Variants in BICD1 observed in about 807,000 individuals in gnomAD.
BICD1 encodes BICD cargo adaptor 1.
Under a neutral mutation model 92.5 loss-of-function variants are expected in BICD1, and 35 were observed. The observed-to-expected ratio is 0.38, with a 90% CI of 0.29 to 0.50. The LOEUF (loss-of-function observed/expected upper bound fraction) is 0.50, where lower values mean the gene tolerates loss of function less well. Among genes scored for constraint, BICD1 ranks in the 20% least tolerant of loss-of-function variants. The pLI is 0.93. For missense variants in BICD1, 950 were observed against 1,189.8 expected (o/e 0.80, Z 2.97); for synonymous variants, 429 against 465.1 (o/e 0.92, Z 1.00).
At chr12:32,167,269 A>C (rs1943795981) in intron 1 of BICD1, among the ~76,000 whole-genome samples, 1 of 152,250 alleles carries the variant, frequency 6.6e-6, no homozygotes, top group Non-Finnish European at 1.5e-5. Context: ...GAATGAAATA[A>C]AAATGAAAAA....
chr12:32,134,451 G>A (rs969144428), intron 1 of BICD1, among the ~76,000 whole-genome samples: 1 of 152,198 alleles, frequency 6.6e-6, no homozygotes, highest in Non-Finnish European at 1.5e-5. Flanking sequence ...AGACCAATGG[G>A]TGGCAGATAC....
chr12:32,255,916 C>T (rs1404515898), intron 2 of BICD1, among the ~76,000 whole-genome samples: 3 of 151,706 alleles, frequency 2.0e-5, no homozygotes, highest in South Asian at 2.1e-4. Context: ...AATGTTGACT[C>T]GACATTAATA....
intron 2 of BICD1, among the ~76,000 whole-genome samples, chr12:32,250,187 T>G (rs1048166956): frequency 6.6e-6 from 1 of 152,126 alleles, no homozygotes; most frequent in African/African-American, 2.4e-5. Context: ...CAGGATTAAG[T>G]GGTTGAGATG....
chr12:32,152,506 G>A (rs1943318446), intron 1 of BICD1, among the ~76,000 whole-genome samples: 3 of 152,122 alleles, frequency 2.0e-5, no homozygotes, highest in Admixed American at 2.0e-4. Context: ...GATTACAGGC[G>A]TGAGCCAATG....
chr12:32,260,707 C>A (rs7310646), intron 2 of BICD1, among the ~76,000 whole-genome samples: 2,930 of 151,898 alleles, frequency 0.019, 90 homozygotes, highest in African/African-American at 0.066. Context: ...TGGGTCATAG[C>A]CCATAGGTTG....
At chr12:32,108,497 GCAAA>G in intron 1 of BICD1, 1 of 492,306 alleles carries the variant, frequency 2.0e-6, no homozygotes, top group Non-Finnish European at 3.6e-6. Context: ...ACTATGGGTA[GCAAA>G]TAACCACTTA....
At chr12:32,333,678 C>T (rs1170848455) in intron 5 of BICD1, among the ~76,000 whole-genome samples, 1 of 152,188 alleles carries the variant, frequency 6.6e-6, no homozygotes, top group Non-Finnish European at 1.5e-5. Flanking sequence ...AACATGCAAA[C>T]TGTGTGCTAT....
intron 1 of BICD1, among the ~76,000 whole-genome samples, chr12:32,138,478 C>G (rs1014572332): frequency 2.0e-5 from 3 of 152,172 alleles, no homozygotes; most frequent in African/African-American, 7.2e-5. Context: ...CCTGACTTAA[C>G]GATGGTTCAT....
intron 8 of BICD1, chr12:32,340,591 A>T: frequency 3.9e-6 from 3 of 778,864 alleles, no homozygotes; most frequent in Non-Finnish European, 4.7e-6. Context: ...AAAAATTAAT[A>T]ATCAATGTTA....
chr12:32,302,371 C>T (rs940714677), intron 3 of BICD1, among the ~76,000 whole-genome samples: 1 of 152,008 alleles, frequency 6.6e-6, no homozygotes, highest in Non-Finnish European at 1.5e-5. Flanking sequence ...CATTTGATGT[C>T]TGAATTGGTG....
At chr12:32,329,608 A>G (rs1937746510) in intron 5 of BICD1, among the ~76,000 whole-genome samples, 2 of 152,144 alleles carry the variant, frequency 1.3e-5, no homozygotes, top group South Asian at 2.1e-4. Flanking sequence ...TGTGTGAGAG[A>G]GTATAAGAAT....
chr12:32,342,991 G>A (rs1396083783), intron 8 of BICD1, among the ~76,000 whole-genome samples: 1 of 152,174 alleles, frequency 6.6e-6, no homozygotes, highest in Non-Finnish European at 1.5e-5. Flanking sequence ...CCCTCTGGCT[G>A]GCTCAGCTTC....
intron 1 of BICD1, among the ~76,000 whole-genome samples, chr12:32,155,670 T>A (rs1943415955): frequency 2.0e-5 from 3 of 152,098 alleles, no homozygotes; most frequent in Admixed American, 1.3e-4. Flanking sequence ...TGCCTCAAAT[T>A]GCCTGAAAGA....
At position 32,380,994 on chromosome 12, in the gene BICD1, T is replaced by C. The variant is rs1466631202; in HGVS notation, c.*3367T>C. The C allele has an allele frequency of 6.6e-6, 1 of 152,058 alleles. No individual in the cohort carries two copies. Among genetic ancestry groups the C allele is most frequent in the Non-Finnish European group, 1.5e-5 (1 of 67,956 alleles). The allele number at this position is 152,058 out of a possible 1,614,324, so 9.4% of individuals were successfully genotyped here. ...ATAAAGAATATTTGTTTTGTAAAAA[T>C]TGAATATCATTGGTGGTCTAGTAAG... On this transcript the variant is annotated 3_prime_UTR_variant, in exon 10 of 10. Transcript: ENST00000652176.
intron 2 of BICD1, among the ~76,000 whole-genome samples, chr12:32,255,564 G>T (rs1334938506): frequency 6.6e-6 from 1 of 152,204 alleles, no homozygotes; most frequent in Admixed American, 6.5e-5. Context: ...ATGAGGCATG[G>T]AACTTGGAGA....
intron 1 of BICD1, among the ~76,000 whole-genome samples, chr12:32,192,533 T>G (rs955823122): frequency 4.0e-5 from 6 of 149,776 alleles, no homozygotes; most frequent in Non-Finnish European, 8.8e-5. Context: ...GTCTTCTGGA[T>G]AGAAGATCAA....
chr12:32,190,227 T>C (rs890203917), intron 1 of BICD1, among the ~76,000 whole-genome samples: 2 of 152,166 alleles, frequency 1.3e-5, no homozygotes, highest in African/African-American at 2.4e-5. Flanking sequence ...AACAAAATAG[T>C]TAAGCCCTTA....
intron 4 of BICD1, among the ~76,000 whole-genome samples, chr12:32,306,370 A>G (rs1948217656): frequency 6.6e-6 from 1 of 151,920 alleles, no homozygotes; most frequent in Non-Finnish European, 1.5e-5. Context: ...CAGCCTCCCG[A>G]GTAGCTGGGA....
chr12:32,192,267 T>C (rs1386512552), intron 1 of BICD1, among the ~76,000 whole-genome samples: 1 of 151,410 alleles, frequency 6.6e-6, no homozygotes, highest in African/African-American at 2.4e-5. Flanking sequence ...CCATCTCTAC[T>C]AAAAATACAA....
Sources: allele counts gnomAD v4.1 joint callset (sites outside exome capture counted in the v4.1 genomes callset), GRCh38; gene constraint gnomAD v4.1.1; transcripts MANE v1.5; gene names NCBI Gene and HGNC (gene_info 2026-07-23, HGNC 2026-07-21).